CIRSR: variants seen among roughly 807,000 people sequenced by gnomAD.
CIRSR encodes the protein corepressor of RBPJ and splicing regulator.
the CIRSR span, among the ~76,000 whole-genome samples, chr2:174,351,447 C>A: frequency 1.3e-5 from 2 of 152,168 alleles, no homozygotes; most frequent in Non-Finnish European, 2.9e-5. Context: ...TAAACAATTT[C>A]TCATTTAGAT....
At chr2:174,389,323 A>C in the CIRSR span, among the ~76,000 whole-genome samples, 2 of 152,222 alleles carry the variant, frequency 1.3e-5, no homozygotes. Flanking sequence ...TGGACAATGA[A>C]GTCCAGGATG....
the CIRSR span, among the ~76,000 whole-genome samples, chr2:174,377,343 A>G: frequency 1.3e-5 from 2 of 152,210 alleles, no homozygotes; most frequent in Admixed American, 1.3e-4. Flanking sequence ...TTCTTCTACT[A>G]GTTAGCTGGG....
chr2:174,348,777 T>G, the CIRSR span: 1 of 1,614,200 alleles, frequency 6.2e-7, no homozygotes, highest in South Asian at 1.1e-5. Flanking sequence ...GGTTCTGGAC[T>G]TTTTGTCAGA....
chr2:174,359,334 TA>T, the CIRSR span, among the ~76,000 whole-genome samples: 100,338 of 136,704 alleles, frequency 0.73, 39,485 homozygotes, highest in South Asian at 0.91. Context: ...GCATTTTACT[TA>T]AAAAAAAAAA....
At chr2:174,348,810 T>C in the CIRSR span, 1 of 1,614,214 alleles carries the variant, frequency 6.2e-7, no homozygotes. Context: ...CCATTTGCTG[T>C]CCTCCCTAGA....
At chr2:174,348,763 T>C in the CIRSR span, 13 of 1,614,238 alleles carry the variant, frequency 8.1e-6, no homozygotes, top group Non-Finnish European at 1.1e-5. Context: ...GGGCTATGTT[T>C]ATGGGTTCTG....
At chr2:174,365,695 C>T in the CIRSR span, among the ~76,000 whole-genome samples, 1 of 152,152 alleles carries the variant, frequency 6.6e-6, no homozygotes, top group Admixed American at 6.5e-5. Flanking sequence ...ACCATCAGAT[C>T]TCATGAGACG....
At chr2:174,380,673 G>A in the CIRSR span, 6 of 1,612,084 alleles carry the variant, frequency 3.7e-6, no homozygotes, top group Admixed American at 8.3e-5. Context: ...GCTCCTTTCT[G>A]CCATTCAAAT....
At chr2:174,348,635 T>C in the CIRSR span, 18 of 1,614,228 alleles carry the variant, frequency 1.1e-5, no homozygotes, top group Non-Finnish European at 1.4e-5. Flanking sequence ...GCTGTGCCCG[T>C]TTCCTTGTCT....
the CIRSR span, chr2:174,358,112 G>A: frequency 2.6e-5 from 4 of 152,050 alleles, no homozygotes; most frequent in Non-Finnish European, 4.4e-5. Flanking sequence ...TAAACATTTC[G>A]TTTTAGTCTA....
the CIRSR span, among the ~76,000 whole-genome samples, chr2:174,365,291 T>C: frequency 2.0e-5 from 3 of 152,334 alleles, no homozygotes; most frequent in South Asian, 6.2e-4. Context: ...TTATTGTTCA[T>C]ATTGCTATCA....
chr2:174,361,511 G>C, the CIRSR span, among the ~76,000 whole-genome samples: 1 of 152,194 alleles, frequency 6.6e-6, no homozygotes, highest in African/African-American at 2.4e-5. Flanking sequence ...CAACAAAAAT[G>C]CCTTCAACAC....
chr2:174,366,408 C>CATCT, the CIRSR span, among the ~76,000 whole-genome samples: 41 of 152,140 alleles, frequency 2.7e-4, 2 homozygotes, highest in East Asian at 1.5e-3. Context: ...CACATTCACA[C>CATCT]TGTGAAAAAA....
the CIRSR span, chr2:174,350,729 T>G: frequency 6.2e-7 from 1 of 1,608,776 alleles, no homozygotes; most frequent in Non-Finnish European, 8.5e-7. Context: ...TTCTTCACCC[T>G]CACTTGCAAC....
the CIRSR span, among the ~76,000 whole-genome samples, chr2:174,359,385 G>A: frequency 6.6e-6 from 1 of 150,820 alleles, no homozygotes; most frequent in Non-Finnish European, 1.5e-5. Context: ...TGATTACTGA[G>A]TGACTATGGT....
chr2:174,358,639 T>A, the CIRSR span: 1 of 152,696 alleles, frequency 6.5e-6, no homozygotes, highest in African/African-American at 2.4e-5. Flanking sequence ...CAATAATAGT[T>A]AATTCATAGC....
At chr2:174,372,137 T>C in the CIRSR span, among the ~76,000 whole-genome samples, 2 of 152,268 alleles carry the variant, frequency 1.3e-5, no homozygotes, top group Non-Finnish European at 2.9e-5. Flanking sequence ...GTACTACTGC[T>C]AAATTTTAAG....
chr2:174,370,924 A>AG, the CIRSR span, among the ~76,000 whole-genome samples: 1 of 151,482 alleles, frequency 6.6e-6, no homozygotes, highest in East Asian at 1.9e-4. Flanking sequence ...AAAAAAAAAA[A>AG]AGAAAAGAAA....
the CIRSR span, chr2:174,380,585 G>A: frequency 3.6e-6 from 5 of 1,402,528 alleles, no homozygotes; most frequent in Non-Finnish European, 4.0e-6. Context: ...AGCAACATAA[G>A]ATGGGATATC....
Sources: allele counts gnomAD v4.1 joint callset (sites outside exome capture counted in the v4.1 genomes callset), GRCh38; gene constraint gnomAD v4.1.1; transcripts MANE v1.5; gene names NCBI Gene and HGNC (gene_info 2026-07-23, HGNC 2026-07-21).